The following TMEM222 variants were observed in gnomAD, a reference collection of about 807,000 sequenced individuals.
TMEM222 encodes the protein transmembrane protein 222.
In TMEM222, 18 loss-of-function variants were observed where a neutral mutation model predicts 25.1. The ratio of observed to expected loss-of-function variants is 0.72; its 90% CI spans 0.50 to 1.06. The LOEUF (loss-of-function observed/expected upper bound fraction) is 1.06. Ranked by LOEUF, TMEM222 falls within the 50% of genes least tolerant of loss-of-function variation. The pLI is 0.00. For synonymous variants in TMEM222, 131 were observed against 117.9 expected (o/e 1.11, Z -0.72); for missense variants, 296 against 293.7 (o/e 1.01, Z -0.06).
In TMEM222 at chr1:27,335,799, A is replaced by G; in HGVS notation, c.*333A>G. On this transcript the variant is annotated 3_prime_UTR_variant, in exon 6 of 6. Coordinates refer to ENST00000374076, the MANE Select transcript of TMEM222 (RefSeq NM_032125.3). Reference sequence around the variant, plus strand: ...GGGGTCCTGCCTCAGCCCAGTGCCCAGTATGGGGAGAGGAGGACATTTGGG... The same window carrying G: ...GGGGTCCTGCCTCAGCCCAGTGCCCGGTATGGGGAGAGGAGGACATTTGGG... 1 of 365,092 alleles carries G rather than the reference A, an allele frequency of 2.7e-6. No individual in the cohort carries two copies. Among genetic ancestry groups the G allele is most frequent in the Non-Finnish European group, 5.2e-6 (1 of 192,182 alleles). The allele number at this position is 365,092 out of a possible 1,614,324, so 22.6% of individuals were successfully genotyped here. A position where few individuals can be genotyped will look rare whatever the true frequency, so the allele number is the denominator to read the frequency against.
At chr1:27,322,584 T>C (rs921310300) in intron 1 of TMEM222, among the ~76,000 whole-genome samples, 193 bp downstream of exon 1, 5 of 152,192 alleles carry the variant, frequency 3.3e-5, no homozygotes, top group Non-Finnish European at 7.3e-5. Context: ...CGCTCCCTGC[T>C]CTCAATACAC....
intron 1 of TMEM222, chr1:27,325,494 G>A (rs567151007): frequency 1.9e-5 from 28 of 1,459,708 alleles, no homozygotes; most frequent in African/African-American, 8.3e-5. Context: ...CGGCATCCAC[G>A]AGACCACGTT....
intron 1 of TMEM222, among the ~76,000 whole-genome samples, chr1:27,326,242 C>G (rs532192710): frequency 6.6e-6 from 1 of 152,264 alleles, no homozygotes; most frequent in South Asian, 2.1e-4. Flanking sequence ...TCCTGCTGGT[C>G]TGTCAGGGTT....
At chr1:27,325,127 T>G (rs2014307418) in intron 1 of TMEM222, 3 of 335,554 alleles carry the variant, frequency 8.9e-6, no homozygotes, top group Non-Finnish European at 1.7e-5. Context: ...CTGTCACCTG[T>G]CTTTGGAGGA....
At chr1:27,334,511 G>A (rs1571014838) in intron 5 of TMEM222, 1 of 1,355,616 alleles carries the variant, frequency 7.4e-7, no homozygotes, top group Middle Eastern at 2.2e-4. Flanking sequence ...GCTCTTGCCT[G>A]CTGTGAGACC....
At position 27,322,407 on chromosome 1, in the gene TMEM222, C is replaced by G; in HGVS notation, c.194+16C>G. On this transcript the variant is annotated intron_variant, in intron 1 of 5. Transcript: ENST00000374076. ...CGGTGCTCACGTGAGTCTCTTCCGG[C>G]ATCCGCCTGGGGACGAGGAGGGCCC... The G allele has an allele frequency of 7.3e-7, 1 of 1,378,218 alleles. No individual in the cohort carries two copies. Among genetic ancestry groups the G allele is most frequent in the Non-Finnish European group, 9.5e-7 (1 of 1,052,062 alleles). The allele number at this position is 1,378,218 out of a possible 1,614,324, so 85.4% of individuals were successfully genotyped here.
intron 3 of TMEM222, chr1:27,332,914 A>G (rs891824386): frequency 6.9e-6 from 2 of 290,980 alleles, no homozygotes; most frequent in Non-Finnish European, 1.4e-5. Flanking sequence ...AGTCCAGGCC[A>G]TGGTCTCTAG....
rs143107656 is a variant in TMEM222, at chr1:27,331,174, C to T, written c.279+370C>T. 176 of 1,112,082 alleles carry T rather than the reference C, an allele frequency of 1.6e-4. No homozygotes were observed. In the East Asian group the frequency reaches 1.0e-2, roughly 63 times the overall value. 68.9% of individuals were successfully genotyped at this position (1,112,082 alleles called of 1,614,324 possible). On this transcript the variant is annotated intron_variant, in intron 2 of 5. Coordinates refer to ENST00000374076, the MANE Select transcript of TMEM222 (RefSeq NM_032125.3). ...GGTGGGGGGACACGGGAGGCTGATTCGGTTCCCTGGGTGTGGCCATGGAGA... is the reference window on the plus strand; with the variant it reads ...GGTGGGGGGACACGGGAGGCTGATTTGGTTCCCTGGGTGTGGCCATGGAGA...
chr1:27,331,799 C>T (rs1173555321), intron 2 of TMEM222, among the ~76,000 whole-genome samples: 2 of 152,252 alleles, frequency 1.3e-5, no homozygotes, highest in African/African-American at 4.8e-5. Context: ...TCCTGGGTGC[C>T]ACACCAAGGG....
At chr1:27,325,103 T>G (rs1367814013) in intron 1 of TMEM222, 1 of 326,914 alleles carries the variant, frequency 3.1e-6, no homozygotes, top group African/African-American at 2.2e-5. Context: ...TAGGCATAGA[T>G]GTGGCGCAAG....
At position 27,335,374 on chromosome 1, in the gene TMEM222, G is replaced by A; in HGVS notation, c.540-5G>A. 6.2e-6 allele frequency: 10 copies of A among 1,614,178 alleles called. No individual in the cohort carries two copies. Among genetic ancestry groups the A allele is most frequent in the Non-Finnish European group, 8.5e-6 (10 of 1,180,000 alleles). On this transcript the variant is annotated splice_polypyrimidine_tract_variant and splice_region_variant and intron_variant, in intron 5 of 5. Transcript: ENST00000374076. Reference sequence around the variant, plus strand: ...CACCTATGCTCGCTCCTTTCTCTCTGTCAGCGTTGGGGCCTTCGTGAAGAC... The same window carrying A: ...CACCTATGCTCGCTCCTTTCTCTCTATCAGCGTTGGGGCCTTCGTGAAGAC...
intron 1 of TMEM222, among the ~76,000 whole-genome samples, chr1:27,322,948 C>A (rs1057170191): frequency 6.6e-6 from 1 of 152,086 alleles, no homozygotes; most frequent in Non-Finnish European, 1.5e-5. Context: ...GACCAAAGTT[C>A]TTTCTGTAAC....
intron 1 of TMEM222, among the ~76,000 whole-genome samples, chr1:27,326,502 A>T (rs186815374): frequency 1.1e-3 from 165 of 152,292 alleles, no homozygotes; most frequent in African/African-American, 3.9e-3. Flanking sequence ...TTGTGTAAGG[A>T]AAAATAAAAG....
chr1:27,330,937 C>T (rs766502797), intron 2 of TMEM222, 133 bp downstream of exon 2: 12 of 1,554,656 alleles, frequency 7.7e-6, no homozygotes, highest in African/African-American at 2.7e-5. Flanking sequence ...CCCTGGCCCT[C>T]TGCCCCTCAC....
At chr1:27,325,526 C>A in intron 1 of TMEM222, 2 of 1,441,144 alleles carry the variant, frequency 1.4e-6, no homozygotes, top group South Asian at 1.1e-5. Context: ...TGAAGTGTGA[C>A]GTAGACATCC....
At chr1:27,334,871 C>T (rs778588939) in intron 5 of TMEM222, 7 of 1,028,598 alleles carry the variant, frequency 6.8e-6, no homozygotes, top group Non-Finnish European at 8.4e-6. Context: ...TTTTAGAAGT[C>T]CCCTGAGAAT....
chr1:27,333,427 A>G, intron 3 of TMEM222: 1 of 470,862 alleles, frequency 2.1e-6, no homozygotes, highest in South Asian at 1.5e-5. Context: ...ACAAAATCTC[A>G]TCAATTGGGT....
At chr1:27,334,417 C>T in intron 5 of TMEM222, 136 bp downstream of exon 5, 1 of 1,410,072 alleles carries the variant, frequency 7.1e-7, no homozygotes, top group Middle Eastern at 1.9e-4. Flanking sequence ...CGTGGTGGTT[C>T]TAGAGTGACG....
chr1:27,325,259 A>G (rs1477363424), intron 1 of TMEM222: 1 of 504,024 alleles, frequency 2.0e-6, no homozygotes, highest in African/African-American at 1.9e-5. Flanking sequence ...TTGGAACGAT[A>G]CAGAGAAGAT....
Sources: allele counts gnomAD v4.1 joint callset (sites outside exome capture counted in the v4.1 genomes callset), GRCh38; gene constraint gnomAD v4.1.1; transcripts MANE v1.5; gene names NCBI Gene and HGNC (gene_info 2026-07-23, HGNC 2026-07-21).